PER2: variants seen among roughly 807,000 people sequenced by gnomAD.
PER2 encodes period circadian protein homolog 2.
PER2 carries 66 observed loss-of-function variants against 121.0 expected under a neutral mutation model. The observed-to-expected ratio is 0.55, with a 90% CI of 0.45 to 0.67. The LOEUF (loss-of-function observed/expected upper bound fraction) is 0.67. PER2 is among the 30% of genes least tolerant of loss of function. The probability of loss-of-function intolerance (pLI) is 0.00; values close to 1 mark genes in which losing one functional copy is unlikely to be tolerated. For missense variants in PER2, 1,521 were observed against 1,635.0 expected (o/e 0.93, Z 1.20); for synonymous variants, 684 against 659.9 (o/e 1.04, Z -0.56).
chr2:238,276,059 G>A (rs965605458), intron 3 of PER2, among the ~76,000 whole-genome samples, 162 bp from the exon 4 acceptor site: 1 of 138,892 alleles, frequency 7.2e-6, no homozygotes, highest in Non-Finnish European at 1.5e-5. Context: ...CGGCTCTAGA[G>A]ATGTTCTGGT....
chr2:238,287,286 T>G (rs974468730), intron 1 of PER2, among the ~76,000 whole-genome samples: 17 of 152,226 alleles, frequency 1.1e-4, no homozygotes, highest in African/African-American at 3.1e-4. Context: ...ACGGAGTCCC[T>G]TTCTTCATTA....
chr2:238,264,798 T>G (rs1353523802), intron 9 of PER2, among the ~76,000 whole-genome samples: 1 of 152,088 alleles, frequency 6.6e-6, no homozygotes, highest in Non-Finnish European at 1.5e-5. Context: ...AATTTTTATT[T>G]TATTTTGCAG....
rs1157194903 is a variant in PER2, at chr2:238,253,486, A to C, written c.2537T>G (p.Phe846Cys). The change falls in exon 19 of 23, where the codon TTT (phenylalanine) becomes TGT (cysteine). Residue 846 changes from phenylalanine to cysteine, a missense_variant. Coordinates refer to ENST00000254657, the MANE Select transcript of PER2 (RefSeq NM_022817.3). The surrounding 1 kb of genome is among the most constrained non-coding windows in gnomAD (Gnocchi z 5.6). ...TSQSSCPAVP[F>C]PAPVPAAYSL... ...ATAAGCTGCTGGCACTGGGGCGGGA[A>C]AGGGCACGGCTGGGCAGCTGGACTG... is the stretch of plus-strand genomic sequence containing the variant. 2.5e-6 allele frequency: 4 copies of C among 1,612,790 alleles called. No homozygotes were observed. The highest frequency in any genetic ancestry group is 2.5e-6 in the Non-Finnish European group (3 of 1,179,566).
chr2:238,260,572 T>C, intron 13 of PER2, among the ~76,000 whole-genome samples: 1 of 152,246 alleles, frequency 6.6e-6, no homozygotes, highest in South Asian at 2.1e-4. Context: ...TTCTTCTTTC[T>C]ATCCTAGTTA....
In PER2 at chr2:238,275,814, T is replaced by C. The variant is rs1306513075; in HGVS notation, c.377A>G (p.Lys126Arg). 1.9e-6 allele frequency: 3 copies of C among 1,614,236 alleles called. No homozygotes were observed. The highest frequency in any genetic ancestry group is 2.2e-5 in the East Asian group (1 of 44,890). Residue 126 changes from lysine (K) to arginine (R), a missense_variant, in exon 4 of 23, where the codon AAG (lysine) becomes AGG (arginine). Coordinates refer to ENST00000254657, the MANE Select transcript of PER2 (RefSeq NM_022817.3). Reference sequence around the variant, plus strand: ...CGTACTGGCCTTGCCCTTGGCCTTCTTGTCTGCAGGGAGGTGGACCTTCAG... The same window carrying C: ...CGTACTGGCCTTGCCCTTGGCCTTCCTGTCTGCAGGGAGGTGGACCTTCAG... ...KELKVHLPAD[K>R]KAKGKASTLA...
chr2:238,268,782 T>C lies in PER2; in HGVS notation c.824+141A>G. 1.4e-6 allele frequency: 1 copy of C among 703,390 alleles called. No individual in the cohort carries two copies. The highest frequency in any genetic ancestry group is 2.6e-6 in the Non-Finnish European group (1 of 388,074). 43.6% of individuals were successfully genotyped at this position (703,390 alleles called of 1,614,324 possible). On this transcript the variant is annotated intron_variant, in intron 7 of 22. Coordinates refer to ENST00000254657, the MANE Select transcript of PER2 (RefSeq NM_022817.3). This position sits in a 1 kb window ranked among gnomAD's most constrained non-coding sequence, Gnocchi z 4.0. ...TGTACACATTTAAAATGTAACTGAC[T>C]GTGTTTTCTGGTAGACTTCAGAAAC...
chr2:238,244,251 C>T lies in PER2; in HGVS notation c.*2124G>A, dbSNP rs1345133332. 1 of 152,500 alleles carries T rather than the reference C, an allele frequency of 6.6e-6. No homozygotes were observed. The highest frequency in any genetic ancestry group is 1.5e-5 in the Non-Finnish European group (1 of 68,036). The allele number at this position is 152,500 out of a possible 1,614,324, so 9.4% of individuals were successfully genotyped here. A position where few individuals can be genotyped will look rare whatever the true frequency, so the allele number is the denominator to read the frequency against. On this transcript the variant is annotated 3_prime_UTR_variant, in exon 23 of 23. Coordinates refer to ENST00000254657, the MANE Select transcript of PER2 (RefSeq NM_022817.3). ...CTTCGGGAATATATTAAAAAGAAGGCTCAGTTTAAAATAGAGAAAAACTGT... is the reference window on the plus strand; with the variant it reads ...CTTCGGGAATATATTAAAAAGAAGGTTCAGTTTAAAATAGAGAAAAACTGT...
intron 10 of PER2, among the ~76,000 whole-genome samples, chr2:238,262,625 C>T (rs1695970219): frequency 1.3e-5 from 2 of 152,264 alleles, no homozygotes; most frequent in East Asian, 3.9e-4. Flanking sequence ...ACTCCCCTGG[C>T]CTGGTGAGAA....
intron 16 of PER2, among the ~76,000 whole-genome samples, chr2:238,257,485 C>CT (rs1559325818): frequency 6.6e-6 from 1 of 151,972 alleles, no homozygotes; most frequent in South Asian, 2.1e-4. Flanking sequence ...TTTCTTTTTT[C>CT]TTTTTTGAGA....
chr2:238,281,010 T>G (rs1332226777), intron 1 of PER2, among the ~76,000 whole-genome samples: 1 of 151,164 alleles, frequency 6.6e-6, no homozygotes, highest in African/African-American at 2.4e-5. Context: ...TTTACACTTT[T>G]TTTTTTTTTT....
Position 238,245,578 on chromosome 2 carries a change from G to A in PER2, c.*797C>T, listed in dbSNP as rs1695424412. On this transcript the variant is annotated 3_prime_UTR_variant, in exon 23 of 23. Coordinates refer to ENST00000254657, the MANE Select transcript of PER2 (RefSeq NM_022817.3). ...TTGCAAAGGGAAGTCACCATAAAGAGATGACTGATGACATATTTTAATCTC... is the reference window on the plus strand; with the variant it reads ...TTGCAAAGGGAAGTCACCATAAAGAAATGACTGATGACATATTTTAATCTC... The A allele has an allele frequency of 5.0e-6, 2 of 398,394 alleles. No homozygotes were observed. The highest frequency in any genetic ancestry group is 2.5e-4 in the South Asian group (2 of 7,864). The allele number at this position is 398,394 out of a possible 1,614,324, so 24.7% of individuals were successfully genotyped here. A position where few individuals can be genotyped will look rare whatever the true frequency, so the allele number is the denominator to read the frequency against.
Position 238,271,094 on chromosome 2 carries a change from C to A in PER2, c.772+218G>T, listed in dbSNP as rs577093049. On this transcript the variant is annotated intron_variant, in intron 6 of 22. Coordinates refer to ENST00000254657, the MANE Select transcript of PER2 (RefSeq NM_022817.3). The stretch of plus-strand genomic sequence containing the variant: ...TCTAAAATGCCTAACGGTTTTCTCT[C>A]TCTGAAATGTATGGAAAGACTATTT... 5.9e-5 allele frequency among the ~76,000 whole-genome samples: 9 copies of A among 152,376 alleles called. No individual in the cohort carries two copies. In the South Asian group the frequency reaches 1.4e-3, roughly 25 times the overall value.
Position 238,278,069 on chromosome 2 carries a change from C to T in PER2, c.-19-114G>A, listed in dbSNP as rs1009333061. The T allele has an allele frequency of 5.3e-6, 6 of 1,122,012 alleles. No homozygotes were observed. The East Asian group carries it at 1.5e-4, about 29-fold the overall frequency. 69.5% of individuals were successfully genotyped at this position (1,122,012 alleles called of 1,614,324 possible). On this transcript the variant is annotated intron_variant, in intron 1 of 22. Transcript: ENST00000254657. ...TCTGTTACTAATGAAACTGCAGTCT[C>T]TTTCTTTCTTCTCTCTGTCTCTCTC...
chr2:238,258,927 G>A (rs917751385), intron 14 of PER2, among the ~76,000 whole-genome samples: 2 of 152,176 alleles, frequency 1.3e-5, no homozygotes, highest in Admixed American at 1.3e-4. Flanking sequence ...AGCAGTGGGA[G>A]ACAGCAGTTC....
At chr2:238,265,893 C>T (rs1470067281) in intron 8 of PER2, among the ~76,000 whole-genome samples, 1 of 151,956 alleles carries the variant, frequency 6.6e-6, no homozygotes, top group Non-Finnish European at 1.5e-5. Flanking sequence ...AGCTGGAAGG[C>T]CATCTTTACG....
rs1307332430 is a variant in PER2 at position 238,244,413 on chromosome 2, A to G, written c.*1962T>C. ...GCTACAGTTAACAATCAGTGAGCAC[A>G]TATTAAATGATAAAATAATGCTGAT... On this transcript the variant is annotated 3_prime_UTR_variant, in exon 23 of 23. Transcript: ENST00000254657. 6.6e-6 allele frequency: 1 copy of G among 152,588 alleles called. No homozygotes were observed. Among genetic ancestry groups the G allele is most frequent in the Non-Finnish European group, 1.5e-5 (1 of 68,050 alleles). 9.5% of individuals were successfully genotyped at this position (152,588 alleles called of 1,614,324 possible). A position where few individuals can be genotyped will look rare whatever the true frequency, so the allele number is the denominator to read the frequency against.
At chr2:238,248,082 G>A (rs1002870791) in intron 22 of PER2, among the ~76,000 whole-genome samples, 2 of 152,198 alleles carry the variant, frequency 1.3e-5, no homozygotes, top group Admixed American at 1.3e-4. Flanking sequence ...GGGTGCAGGT[G>A]GGGAAAAGAG....
chr2:238,251,843 T>A, intron 19 of PER2, 82 bp from the exon 20 acceptor site: 1 of 219,752 alleles, frequency 4.6e-6, no homozygotes, highest in South Asian at 2.8e-5. Context: ...GTGGGGGGCA[T>A]GAGTGGGGTG....
intron 1 of PER2, among the ~76,000 whole-genome samples, chr2:238,286,822 T>C (rs908971095): frequency 3.9e-5 from 6 of 152,220 alleles, no homozygotes; most frequent in Non-Finnish European, 7.3e-5. Flanking sequence ...CCAGTATTTT[T>C]GAGAAAGTTC....
Sources: allele counts gnomAD v4.1 joint callset (sites outside exome capture counted in the v4.1 genomes callset), GRCh38; gene constraint gnomAD v4.1.1; non-coding constraint Gnocchi (gnomAD v3.1); transcripts MANE v1.5; gene names NCBI Gene and HGNC (gene_info 2026-07-23, HGNC 2026-07-21).